Variants in FSTL4 observed in about 807,000 individuals in gnomAD.
The protein encoded by FSTL4 is follistatin like 4, also known as follistatin-related protein 4.
FSTL4 carries 28 observed loss-of-function variants against 78.2 expected under a neutral mutation model. The observed-to-expected ratio is 0.36, with a 90% CI of 0.27 to 0.49. The LOEUF is 0.49. Among genes scored for constraint, FSTL4 ranks in the 20% least tolerant of loss-of-function variants. The pLI is 0.98. For synonymous variants in FSTL4, 422 were observed against 440.5 expected (o/e 0.96, Z 0.53); for missense variants, 922 against 1,084.9 (o/e 0.85, Z 2.11).
chr5:133,431,026 T>C (rs1442834644), intron 3 of FSTL4, among the ~76,000 whole-genome samples: 1 of 152,140 alleles, frequency 6.6e-6, no homozygotes, highest in Non-Finnish European at 1.5e-5. Context: ...AGCACATACA[T>C]GTTGATAGGA....
the FSTL4 span, among the ~76,000 whole-genome samples, chr5:133,728,150 G>A: frequency 6.6e-6 from 1 of 152,246 alleles, no homozygotes; most frequent in Non-Finnish European, 1.5e-5. Context: ...GATTTGTACT[G>A]TTCCAAGCCT....
the FSTL4 span, among the ~76,000 whole-genome samples, chr5:133,763,131 G>T: frequency 6.6e-6 from 1 of 152,308 alleles, no homozygotes; most frequent in African/African-American, 2.4e-5. Flanking sequence ...TCCTCTCCAG[G>T]ACTGTGAATC....
At chr5:133,580,104 T>C (rs532466749) in intron 2 of FSTL4, among the ~76,000 whole-genome samples, 13 of 152,196 alleles carry the variant, frequency 8.5e-5, no homozygotes, top group Non-Finnish European at 1.5e-4. Context: ...AACCAGAAAC[T>C]GTCATCTGAC....
the FSTL4 span, among the ~76,000 whole-genome samples, chr5:133,644,956 C>G: frequency 6.6e-6 from 1 of 152,096 alleles, no homozygotes; most frequent in African/African-American, 2.4e-5. Flanking sequence ...ACAGGCAGCT[C>G]CCCTCCACAG....
the FSTL4 span, among the ~76,000 whole-genome samples, chr5:133,630,695 C>G: frequency 6.6e-6 from 1 of 152,122 alleles, no homozygotes; most frequent in Non-Finnish European, 1.5e-5. Context: ...CAATCCTCAA[C>G]AAAAAGAACA....
At chr5:133,795,237 GA>G in the FSTL4 span, among the ~76,000 whole-genome samples, 5 of 152,216 alleles carry the variant, frequency 3.3e-5, no homozygotes. Flanking sequence ...ATTGAAGCAG[GA>G]AGCAATCCGT....
At chr5:133,768,767 G>A in the FSTL4 span, among the ~76,000 whole-genome samples, 1 of 152,224 alleles carries the variant, frequency 6.6e-6, no homozygotes, top group Non-Finnish European at 1.5e-5. Flanking sequence ...TCAGAGAACA[G>A]AGAAGCTTCT....
chr5:133,602,684 C>T (rs1390166025), intron 2 of FSTL4, among the ~76,000 whole-genome samples: 4 of 152,276 alleles, frequency 2.6e-5, no homozygotes, highest in East Asian at 1.9e-4. Flanking sequence ...CATTAAATTG[C>T]GTCCTTCATG....
intron 3 of FSTL4, among the ~76,000 whole-genome samples, chr5:133,443,783 C>A (rs1757208452): frequency 6.6e-6 from 1 of 152,210 alleles, no homozygotes; most frequent in South Asian, 2.1e-4. Context: ...GCCCCTTGCA[C>A]CATATTCCAG....
chr5:133,237,562 G>A lies in FSTL4; in HGVS notation c.895-4025C>T, dbSNP rs546299169. The stretch of plus-strand genomic sequence containing the variant: ...CATTACCTGTCTGTGGCTTCAGCTC[G>A]GAGGAGAAGCTGACTCTGTAATAAG... On this transcript the variant is annotated intron_variant, in intron 7 of 15. Coordinates refer to ENST00000265342, the MANE Select transcript of FSTL4 (RefSeq NM_015082.2). Among the ~76,000 whole-genome samples, 5 of 152,280 alleles carry A rather than the reference G, an allele frequency of 3.3e-5. No individual in the cohort carries two copies. In the South Asian group the frequency reaches 8.3e-4, roughly 25 times the overall value.
chr5:133,613,659 G>A (rs1164820505), upstream of FSTL4, among the ~76,000 whole-genome samples: 4 of 152,338 alleles, frequency 2.6e-5, no homozygotes, highest in South Asian at 4.1e-4. Context: ...GGGCCAGCGC[G>A]GTCTTGGCAT....
intron 4 of FSTL4, among the ~76,000 whole-genome samples, chr5:133,394,647 C>T (rs1755954280): frequency 6.6e-6 from 1 of 152,216 alleles, no homozygotes; most frequent in Non-Finnish European, 1.5e-5. Context: ...CCACTGTGGG[C>T]TCCTGCGTGG....
At chr5:133,289,310 T>C (rs1753204493) in intron 6 of FSTL4, among the ~76,000 whole-genome samples, 1 of 152,232 alleles carries the variant, frequency 6.6e-6, no homozygotes, top group African/African-American at 2.4e-5. Context: ...TGCCTTGAAG[T>C]AGAGCCCTTT....
At chr5:133,677,279 G>A in the FSTL4 span, among the ~76,000 whole-genome samples, 1 of 152,190 alleles carries the variant, frequency 6.6e-6, no homozygotes, top group Admixed American at 6.5e-5. Context: ...AATCTAGAGG[G>A]CCCGAGTCCT....
rs1335492438 is a variant in FSTL4, at chr5:133,197,752, C to T, written c.*1343G>A. ...ATTCAAACCAGGACACATGTAAGTT[C>T]CACTCATATGTGGGAGAGGGAAGGC... is the stretch of plus-strand genomic sequence containing the variant. On this transcript the variant is annotated 3_prime_UTR_variant, in exon 16 of 16. Transcript: ENST00000265342. The T allele has an allele frequency of 6.6e-6, 1 of 152,226 alleles. No individual in the cohort carries two copies. The highest frequency in any genetic ancestry group is 1.5e-5 in the Non-Finnish European group (1 of 68,058). 9.4% of individuals were successfully genotyped at this position (152,226 alleles called of 1,614,324 possible).
intron 6 of FSTL4, among the ~76,000 whole-genome samples, chr5:133,258,400 C>T (rs11949191): frequency 0.049 from 7,528 of 152,244 alleles, 336 homozygotes; most frequent in African/African-American, 0.12. Flanking sequence ...TCATCCAATT[C>T]GTTGAAGACC....
chr5:133,462,611 G>A (rs180912758), intron 3 of FSTL4, among the ~76,000 whole-genome samples: 32 of 152,302 alleles, frequency 2.1e-4, no homozygotes, highest in Middle Eastern at 3.4e-3. Flanking sequence ...GAAGGAGCCG[G>A]TAGACTACCC....
chr5:133,326,243 C>T (rs1299969263), intron 4 of FSTL4, among the ~76,000 whole-genome samples: 1 of 152,176 alleles, frequency 6.6e-6, no homozygotes, highest in Non-Finnish European at 1.5e-5. Context: ...AACCAATGGG[C>T]TTATCTTTAA....
At chr5:133,397,814 ACTT>A (rs1325155986) in intron 4 of FSTL4, among the ~76,000 whole-genome samples, 8 of 152,196 alleles carry the variant, frequency 5.3e-5, no homozygotes, top group African/African-American at 1.2e-4. Flanking sequence ...TGAAGTCACA[ACTT>A]CTTCTTGTAA....
Sources: gnomAD v4.1 joint callset for allele counts (sites outside exome capture counted in the v4.1 genomes callset) on GRCh38, gnomAD v4.1.1 for gene constraint, MANE v1.5 for transcripts, NCBI Gene and HGNC (gene_info 2026-07-23, HGNC 2026-07-21) for gene names.